Variants in AP3B1 observed in about 807,000 individuals in gnomAD.
The protein encoded by AP3B1 is AP-3 complex subunit beta-1.
A neutral mutation model predicts 132.5 loss-of-function variants in AP3B1; 61 were observed. The observed-to-expected ratio is 0.46, with a 90% CI of 0.37 to 0.57. The LOEUF (loss-of-function observed/expected upper bound fraction) is 0.57. Among genes scored for constraint, AP3B1 ranks in the 20% least tolerant of loss-of-function variants. The pLI, the probability that AP3B1 is intolerant of heterozygous loss-of-function variation, is 0.00. For synonymous variants in AP3B1, 388 were observed against 438.3 expected (o/e 0.89, Z 1.43); for missense variants, 1,120 against 1,289.4 (o/e 0.87, Z 2.01).
At chr5:78,254,597 T>G (rs371230991) in intron 2 of AP3B1, among the ~76,000 whole-genome samples, 2 of 152,234 alleles carry the variant, frequency 1.3e-5, no homozygotes, top group South Asian at 4.1e-4. Context: ...GAATAGTATA[T>G]CCAGTGAAAA....
chr5:78,120,858 A>C (rs1313263631), intron 17 of AP3B1, among the ~76,000 whole-genome samples: 2 of 152,234 alleles, frequency 1.3e-5, no homozygotes, highest in Non-Finnish European at 2.9e-5. Context: ...AGACATCTAC[A>C]GAACTCTCCA....
At chr5:78,238,113 C>T in intron 3 of AP3B1, among the ~76,000 whole-genome samples, 1 of 152,210 alleles carries the variant, frequency 6.6e-6, no homozygotes, top group East Asian at 1.9e-4. Flanking sequence ...AGCTGCTCTT[C>T]ATTGCTCGCA....
intron 20 of AP3B1, among the ~76,000 whole-genome samples, chr5:78,109,311 G>C (rs1273674914): frequency 6.6e-6 from 1 of 152,048 alleles, no homozygotes; most frequent in Non-Finnish European, 1.5e-5. Flanking sequence ...TCTCTGGATG[G>C]GGGAGGGCAA....
intron 20 of AP3B1, 73 bp downstream of exon 20, chr5:78,110,134 G>A (rs1318492286): frequency 3.9e-6 from 5 of 1,298,694 alleles, no homozygotes; most frequent in African/African-American, 1.5e-5. Context: ...AGGAGTAGAT[G>A]AGGATGGTGT....
At chr5:78,183,984 A>G (rs1211563454) in intron 7 of AP3B1, among the ~76,000 whole-genome samples, 1 of 151,674 alleles carries the variant, frequency 6.6e-6, no homozygotes, top group Admixed American at 6.6e-5. Context: ...CCTGGCCAAC[A>G]TGGTGAAACT....
chr5:78,281,605 T>G (rs192038679), intron 1 of AP3B1, among the ~76,000 whole-genome samples: 1 of 152,148 alleles, frequency 6.6e-6, no homozygotes, highest in Non-Finnish European at 1.5e-5. Context: ...TTTTGCTACA[T>G]GAATGAAAAA....
At chr5:78,018,689 C>T (rs117072117) in intron 25 of AP3B1, among the ~76,000 whole-genome samples, 1 of 151,830 alleles carries the variant, frequency 6.6e-6, no homozygotes, top group South Asian at 2.1e-4. Flanking sequence ...CACACACACA[C>T]ACACACACAC....
intron 2 of AP3B1, among the ~76,000 whole-genome samples, chr5:78,250,202 G>A (rs975284874): frequency 6.6e-6 from 1 of 151,820 alleles, no homozygotes; most frequent in Non-Finnish European, 1.5e-5. Flanking sequence ...TAATCTTCAG[G>A]GAAGTACCCT....
At chr5:78,278,816 A>G (rs1050503835) in intron 1 of AP3B1, among the ~76,000 whole-genome samples, 1 of 152,034 alleles carries the variant, frequency 6.6e-6, no homozygotes, top group East Asian at 1.9e-4. Context: ...TAGCGGCATT[A>G]GATTATCAGA....
chr5:78,084,521 C>CAAAAAAAAAAAAAA (rs568637894), intron 22 of AP3B1, among the ~76,000 whole-genome samples: 8 of 43,998 alleles, frequency 1.8e-4, no homozygotes, highest in African/African-American at 6.5e-4. Flanking sequence ...CAGACCCTGT[C>CAAAAAAAAAAAAAA]AAAAAAAAAA....
At chr5:78,125,686 A>C (rs1188321615) in intron 17 of AP3B1, among the ~76,000 whole-genome samples, 1 of 152,234 alleles carries the variant, frequency 6.6e-6, no homozygotes, top group African/African-American at 2.4e-5. Flanking sequence ...ACAGACAGTG[A>C]CAGTTTTATC....
chr5:78,261,271 C>G (rs550015065), intron 2 of AP3B1, among the ~76,000 whole-genome samples: 1 of 152,202 alleles, frequency 6.6e-6, no homozygotes, highest in Non-Finnish European at 1.5e-5. Flanking sequence ...CCAACACTTA[C>G]AATTTTGTTT....
chr5:78,101,061 C>T (rs1489948066), intron 20 of AP3B1, 36 bp from the exon 21 acceptor site: 4 of 1,311,916 alleles, frequency 3.0e-6, no homozygotes, highest in Admixed American at 3.9e-5. Context: ...ATCACACGTT[C>T]TGTTTTAAAA....
At chr5:78,047,148 G>A (rs1748370371) in intron 22 of AP3B1, among the ~76,000 whole-genome samples, 1 of 152,170 alleles carries the variant, frequency 6.6e-6, no homozygotes, top group Non-Finnish European at 1.5e-5. Flanking sequence ...TGTAAATAGT[G>A]CTGCAATAAA....
At chr5:78,202,168 G>C (rs1487459890) in intron 7 of AP3B1, among the ~76,000 whole-genome samples, 2 of 152,178 alleles carry the variant, frequency 1.3e-5, no homozygotes, top group African/African-American at 4.8e-5. Flanking sequence ...CTGCCACCAT[G>C]TGAGACGTGC....
At chr5:78,092,435 G>C (rs1230682876) in intron 21 of AP3B1, among the ~76,000 whole-genome samples, 1 of 152,162 alleles carries the variant, frequency 6.6e-6, no homozygotes, top group Non-Finnish European at 1.5e-5. Context: ...AGGTGACTGT[G>C]CTGAAGTATT....
At chr5:78,052,743 T>C (rs1382974988) in intron 22 of AP3B1, among the ~76,000 whole-genome samples, 3 of 152,224 alleles carry the variant, frequency 2.0e-5, no homozygotes, top group African/African-American at 2.4e-5. Context: ...GACAGATCAA[T>C]AAACTTCACT....
rs557860386 is a variant in AP3B1, at chr5:78,054,818, A to G, written c.2578-15544T>C. ...GAAGTATGTCTTAGGAGATGTACAA[A>G]TTGGAAAGGGAATTTTATTATGGGT... On this transcript the variant is annotated intron_variant, in intron 22 of 26. Coordinates refer to ENST00000255194, the MANE Select transcript of AP3B1 (RefSeq NM_003664.5). 3.3e-5 allele frequency among the ~76,000 whole-genome samples: 5 copies of G among 152,272 alleles called. No homozygotes were observed. The East Asian group carries it at 9.6e-4, about 29-fold the overall frequency.
chr5:78,124,636 G>T (rs1484444409), intron 17 of AP3B1, among the ~76,000 whole-genome samples: 1 of 152,136 alleles, frequency 6.6e-6, no homozygotes, highest in Admixed American at 6.6e-5. Context: ...AAGGTATGTT[G>T]CTTAAAAAGA....
Sources: gnomAD v4.1 joint callset for allele counts (sites outside exome capture counted in the v4.1 genomes callset) on GRCh38, gnomAD v4.1.1 for gene constraint, MANE v1.5 for transcripts, NCBI Gene and HGNC (gene_info 2026-07-23, HGNC 2026-07-21) for gene names.